PDS5A: variants seen among roughly 807,000 people sequenced by gnomAD.
PDS5A encodes the protein sister chromatid cohesion protein PDS5 homolog A.
A neutral mutation model predicts 167.1 loss-of-function variants in PDS5A; 42 were observed. The ratio of observed to expected loss-of-function variants is 0.25; its 90% CI spans 0.20 to 0.33. The LOEUF (loss-of-function observed/expected upper bound fraction) is 0.33. Ranked by LOEUF, PDS5A falls within the 10% of genes least tolerant of loss-of-function variation. The probability of loss-of-function intolerance (pLI) is 1.00; values close to 1 mark genes in which losing one functional copy is unlikely to be tolerated. For synonymous variants in PDS5A, 553 were observed against 554.6 expected (o/e 1.00, Z 0.04); for missense variants, 1,033 against 1,605.9 (o/e 0.64, Z 6.10).
At chr4:39,926,611 G>A (rs1017247775) in intron 4 of PDS5A, among the ~76,000 whole-genome samples, 164 bp downstream of exon 4, 5 of 151,480 alleles carry the variant, frequency 3.3e-5, no homozygotes, top group Non-Finnish European at 5.9e-5. Flanking sequence ...ATCTCTTCAG[G>A]ATAGGAAGAA....
chr4:39,862,479 C>G, intron 25 of PDS5A, 146 bp from the exon 26 acceptor site: 1 of 503,640 alleles, frequency 2.0e-6, no homozygotes, highest in Non-Finnish European at 3.6e-6. Flanking sequence ...TTACACTTCA[C>G]TTTTCAATTT....
intron 16 of PDS5A, among the ~76,000 whole-genome samples, chr4:39,892,611 CTG>C (rs1272678198): frequency 6.6e-6 from 1 of 152,212 alleles, no homozygotes; most frequent in African/African-American, 2.4e-5. Context: ...TTGTCAGCCT[CTG>C]TCACTTATTC....
At chr4:39,866,689 CTATTAAAAT>C (rs1419409352) in intron 23 of PDS5A, among the ~76,000 whole-genome samples, 163 bp downstream of exon 23, 1 of 152,174 alleles carries the variant, frequency 6.6e-6, no homozygotes, top group East Asian at 1.9e-4. Flanking sequence ...TATATTGGCA[CTATTAAAAT>C]AACAATACTG....
At chr4:39,913,085 CTTTCT>C (rs1465855075) in intron 9 of PDS5A, among the ~76,000 whole-genome samples, 6 of 111,274 alleles carry the variant, frequency 5.4e-5, no homozygotes, top group East Asian at 2.7e-4. Flanking sequence ...ATTCTAATGA[CTTTCT>C]TTTTTTTTTT....
At chr4:39,922,883 C>T (rs374862183) in intron 5 of PDS5A, 135 bp from the exon 6 acceptor site, 113 of 1,079,006 alleles carry the variant, frequency 1.0e-4, no homozygotes, top group African/African-American at 5.1e-4. Flanking sequence ...AGGGACAGTG[C>T]CAATAATGGC....
chr4:39,973,742 G>A, intron 2 of PDS5A: 1 of 1,290,182 alleles, frequency 7.8e-7, no homozygotes, highest in East Asian at 2.3e-5. Context: ...AGAATGGCAA[G>A]TGTACGAGCT....
intron 15 of PDS5A, 55 bp downstream of exon 15, chr4:39,898,722 A>C: frequency 9.0e-7 from 1 of 1,108,884 alleles, no homozygotes; most frequent in Non-Finnish European, 1.3e-6. Context: ...CTGGGTAAAT[A>C]CTTTGTCTGC....
At chr4:39,862,601 AATT>A (rs1719091506) in intron 25 of PDS5A, among the ~76,000 whole-genome samples, 1 of 152,160 alleles carries the variant, frequency 6.6e-6, no homozygotes, top group Admixed American at 6.5e-5. Flanking sequence ...GCTAGGAAAA[AATT>A]ATTTAGTCTG....
intron 14 of PDS5A, among the ~76,000 whole-genome samples, chr4:39,899,782 C>T (rs1031586056): frequency 1.4e-5 from 2 of 146,700 alleles, no homozygotes; most frequent in African/African-American, 5.1e-5. Context: ...CCAGTGACAT[C>T]GAGGCTGCAG....
intron 23 of PDS5A, among the ~76,000 whole-genome samples, chr4:39,864,777 T>G (rs981702669): frequency 6.6e-6 from 1 of 152,230 alleles, no homozygotes; most frequent in African/African-American, 2.4e-5. Context: ...AAACACTTTA[T>G]AGGCTTTATC....
chr4:39,870,641 TTAA>T (rs1214398549), intron 21 of PDS5A, among the ~76,000 whole-genome samples: 1 of 151,774 alleles, frequency 6.6e-6, no homozygotes, highest in East Asian at 1.9e-4. Context: ...GGGAAGGAAT[TTAA>T]TACACAGCTC....
At chr4:39,940,861 G>C (rs776210577) in intron 2 of PDS5A, among the ~76,000 whole-genome samples, 3 of 152,140 alleles carry the variant, frequency 2.0e-5, no homozygotes, top group Non-Finnish European at 4.4e-5. Context: ...TGCAGAGACA[G>C]GATTTCATCA....
At chr4:39,974,051 G>A (rs983794016) in intron 2 of PDS5A, 148 of 484,668 alleles carry the variant, frequency 3.1e-4, no homozygotes, top group African/African-American at 2.0e-3. Context: ...GCGTGAACCC[G>A]GGAGGCGGAG....
chr4:39,849,688 T>C (rs575438903), intron 26 of PDS5A, 36 bp from the exon 27 acceptor site: 73 of 1,497,202 alleles, frequency 4.9e-5, no homozygotes, highest in Middle Eastern at 1.7e-4. Flanking sequence ...TAGACGTAGA[T>C]AGATGCTTTA....
At chr4:39,923,638 A>AACACACACATACACACACATAC (rs1553902729) in intron 5 of PDS5A, among the ~76,000 whole-genome samples, 1 of 125,212 alleles carries the variant, frequency 8.0e-6, no homozygotes, top group African/African-American at 2.8e-5. Context: ...CCTGTCTCAA[A>AACACACACATACACACACATAC]ACACACACAC....
chr4:39,942,369 T>A (rs1727303006), intron 2 of PDS5A, among the ~76,000 whole-genome samples: 1 of 152,162 alleles, frequency 6.6e-6, no homozygotes, highest in African/African-American at 2.4e-5. Flanking sequence ...TGTCCTAGAA[T>A]TGCTTCTGCT....
At chr4:39,881,482 C>G (rs1258276909) in intron 17 of PDS5A, among the ~76,000 whole-genome samples, 1 of 151,610 alleles carries the variant, frequency 6.6e-6, no homozygotes, top group Non-Finnish European at 1.5e-5. Flanking sequence ...TTTTAAAATT[C>G]ATTATCTTCA....
At position 39,863,049 on chromosome 4, in the gene PDS5A, T is replaced by C. The variant is rs959050945; in HGVS notation, c.2791A>G (p.Ile931Val). ...INDECYQVRQ[I>V]FAQKLHKALV... ...GCCTTATGCAGCTTCTGAGCAAATATCTGCCTTACTTGGTAACACTCATCC... is the reference window on the plus strand; with the variant it reads ...GCCTTATGCAGCTTCTGAGCAAATACCTGCCTTACTTGGTAACACTCATCC... The change falls in exon 25 of 33, where the codon ATA becomes GTA. Residue 931 changes from isoleucine to valine, a missense_variant. Physicochemically the swap from Ile to Val is conservative, Grantham distance 29. This residue lies in a region of PDS5A where 367 missense variants were observed against 686.7 expected (regional missense o/e 0.53). Transcript: ENST00000303538. The C allele has an allele frequency of 6.2e-7, 1 of 1,613,458 alleles. No individual in the cohort carries two copies. Among genetic ancestry groups the C allele is most frequent in the African/African-American group, 1.3e-5 (1 of 75,056 alleles).
chr4:39,890,324 G>C lies in PDS5A; in HGVS notation c.1811C>G (p.Thr604Arg), dbSNP rs1269002296. The stretch of plus-strand genomic sequence containing the variant: ...TTTGACCATCTCTAGAAAAGGATTT[G>C]TTGGTTGCTTAGGATTTGCAAGTTT... ...ARKLANPKQP[T>R]NPFLEMVKFL... Residue 604 changes from threonine to arginine, a missense_variant, in exon 17 of 33, where the codon ACA (threonine) becomes AGA (arginine). By Grantham distance (71) the Thr-to-Arg change is moderately conservative. This residue lies in a region of PDS5A where 367 missense variants were observed against 686.7 expected (regional missense o/e 0.53). Transcript: ENST00000303538. The C allele has an allele frequency of 6.3e-7, 1 of 1,585,412 alleles. No individual in the cohort carries two copies. The highest frequency in any genetic ancestry group is 2.3e-5 in the East Asian group (1 of 44,324).
Sources: allele counts gnomAD v4.1 joint callset (sites outside exome capture counted in the v4.1 genomes callset), GRCh38; gene constraint gnomAD v4.1.1; regional missense constraint gnomAD v4.1.1; transcripts MANE v1.5; gene names NCBI Gene and HGNC (gene_info 2026-07-23, HGNC 2026-07-21).